The following STYK1 variants were observed in gnomAD, a reference collection of about 807,000 sequenced individuals.
STYK1 encodes the protein STY kinase 1.
A neutral mutation model predicts 48.1 loss-of-function variants in STYK1; 46 were observed. The observed-to-expected ratio is 0.96, with a 90% CI of 0.75 to 1.22. The LOEUF (loss-of-function observed/expected upper bound fraction) is 1.22. Ranked by LOEUF, STYK1 falls within the 50% of genes most tolerant of loss-of-function variation. The pLI, the probability that STYK1 is intolerant of heterozygous loss-of-function variation, is 0.00. For missense variants in STYK1, 527 were observed against 521.1 expected, an observed-to-expected ratio of 1.01 and a Z score of -0.11; for synonymous variants, 188 against 189.0, an observed-to-expected ratio of 0.99 and a Z score of 0.04.
At chr12:10,671,720 C>T (rs945951971) in intron 1 of STYK1, among the ~76,000 whole-genome samples, 1 of 152,196 alleles carries the variant, frequency 6.6e-6, no homozygotes, top group African/African-American at 2.4e-5. Flanking sequence ...GAAATGTACA[C>T]ACTCAGGTTA....
intron 1 of STYK1, among the ~76,000 whole-genome samples, chr12:10,656,632 AC>A (rs1947722240): frequency 6.6e-6 from 1 of 152,158 alleles, no homozygotes; most frequent in Non-Finnish European, 1.5e-5. Context: ...CTCAAAAAAA[AC>A]AAAAAACAAA....
At chr12:10,651,997 A>G (rs1452795968) in intron 1 of STYK1, among the ~76,000 whole-genome samples, 4 of 152,188 alleles carry the variant, frequency 2.6e-5, no homozygotes, top group African/African-American at 7.2e-5. Context: ...CAGTGGTTCT[A>G]CTTGAGGAGC....
At position 10,619,739 on chromosome 12, in the gene STYK1, A is replaced by C; in HGVS notation, c.*405T>G. 1 of 336,966 alleles carries C rather than the reference A, an allele frequency of 3.0e-6. No homozygotes were observed. Among genetic ancestry groups the C allele is most frequent in the Non-Finnish European group, 5.3e-6 (1 of 187,184 alleles). 20.9% of individuals were successfully genotyped at this position (336,966 alleles called of 1,614,324 possible). ...GAACCTTAAATTTTCTTTCCCTTCA[A>C]CTCTTTTATTGGATTTCTATTCCTT... On this transcript the variant is annotated 3_prime_UTR_variant, in exon 11 of 11. Coordinates refer to ENST00000075503, the MANE Select transcript of STYK1 (RefSeq NM_018423.3).
At position 10,621,880 on chromosome 12, in the gene STYK1, T is replaced by G. The variant is rs376420102; in HGVS notation, c.1060A>C (p.Thr354Pro). ...AGGCCTTTAAAAACCACTTACATGG[T>G]ATGTGTGCAGCTACTGGGTCTCTTC... Reference protein sequence around the residue: ...IMKRPSSCTHTMYSIMKSCWR... With the variant: ...IMKRPSSCTHPMYSIMKSCWR... Residue 354 changes from threonine to proline, a missense_variant, in exon 10 of 11, where the codon ACC becomes CCC. Thr to Pro is a conservative substitution (Grantham distance 38). Transcript: ENST00000075503. The G allele has an allele frequency of 1.2e-6, 2 of 1,613,568 alleles. No individual in the cohort carries two copies. Among genetic ancestry groups the G allele is most frequent in the African/African-American group, 1.3e-5 (1 of 74,892 alleles).
Position 10,624,835 on chromosome 12 carries a change from A to G in STYK1, c.742T>C (p.Phe248Leu). ...ALEFLQEKHL[F>L]HGDVAARNIL... ...TTCCTGGCTGCCACATCCCCATGGA[A>G]CAAATGCTTCTCCTGCAGGAATTCC... is the stretch of plus-strand genomic sequence containing the variant. The change falls in exon 8 of 11, where the codon TTC (phenylalanine) becomes CTC (leucine). Residue 248 changes from phenylalanine to leucine, a missense_variant. Transcript: ENST00000075503. 6.2e-7 allele frequency: 1 copy of G among 1,614,180 alleles called. No homozygotes were observed. The highest frequency in any genetic ancestry group is 8.5e-7 in the Non-Finnish European group (1 of 1,180,012).
intron 1 of STYK1, among the ~76,000 whole-genome samples, chr12:10,652,462 A>G (rs1262758292): frequency 6.6e-6 from 1 of 152,268 alleles, no homozygotes; most frequent in Non-Finnish European, 1.5e-5. Context: ...GTTTTAGAAT[A>G]CAAGTATTTC....
At chr12:10,626,745 G>A (rs534931417) in intron 7 of STYK1, among the ~76,000 whole-genome samples, 141 of 152,272 alleles carry the variant, frequency 9.3e-4, no homozygotes, top group African/African-American at 3.3e-3. Flanking sequence ...GGTGGCTCAT[G>A]CCTGTAATCC....
rs1018880825 is a variant in STYK1, at chr12:10,651,167, C to T, written c.-194-13971G>A. On this transcript the variant is annotated intron_variant, in intron 1 of 10. Transcript: ENST00000075503. ...GACCACGCTGGAGCCCAACAGCCTC[C>T]TGCCTTGGTCCTGCACTTTTCCTGC... is the stretch of plus-strand genomic sequence containing the variant. Among the ~76,000 whole-genome samples, 11 of 152,306 alleles carry T rather than the reference C, an allele frequency of 7.2e-5. No homozygotes were observed. In the East Asian group the frequency reaches 2.1e-3, roughly 29 times the overall value.
At chr12:10,671,017 T>TTTC (rs869234076) in intron 1 of STYK1, among the ~76,000 whole-genome samples, 4 of 147,120 alleles carry the variant, frequency 2.7e-5, no homozygotes, top group African/African-American at 1.0e-4. Flanking sequence ...TTTTTTTTTT[T>TTTC]GACAGTCTGG....
At chr12:10,624,925 G>A (rs1374733417) in intron 7 of STYK1, 66 bp from the exon 8 acceptor site, 1 of 1,412,628 alleles carries the variant, frequency 7.1e-7, no homozygotes, top group Non-Finnish European at 1.0e-6. Context: ...GACAAGGAGA[G>A]GCAGTCCTAG....
intron 7 of STYK1, among the ~76,000 whole-genome samples, chr12:10,625,366 C>T (rs576576891): frequency 2.6e-5 from 4 of 152,130 alleles, no homozygotes; most frequent in South Asian, 2.1e-4. Context: ...TACAGGCACC[C>T]GCCACCACGC....
At chr12:10,639,276 C>T (rs1420659408) in intron 1 of STYK1, among the ~76,000 whole-genome samples, 1 of 152,184 alleles carries the variant, frequency 6.6e-6, no homozygotes, top group Non-Finnish European at 1.5e-5. Context: ...ATGAAACAAG[C>T]TTCCGGTTTT....
chr12:10,656,879 G>A (rs1011977064), intron 1 of STYK1, among the ~76,000 whole-genome samples: 2 of 152,108 alleles, frequency 1.3e-5, no homozygotes, highest in African/African-American at 4.8e-5. Context: ...GTTTCATTTT[G>A]TATTGTGTTA....
intron 8 of STYK1, among the ~76,000 whole-genome samples, chr12:10,624,187 A>G (rs758717828): frequency 2.6e-5 from 4 of 151,278 alleles, no homozygotes; most frequent in African/African-American, 4.9e-5. Flanking sequence ...TTGGGAGGCG[A>G]AGGTGAGAGG....
chr12:10,634,518 T>G, intron 3 of STYK1, 49 bp downstream of exon 3: 1 of 1,579,268 alleles, frequency 6.3e-7, no homozygotes, highest in Non-Finnish European at 8.7e-7. Flanking sequence ...GACCTTAGCC[T>G]TCATAATTCT....
intron 7 of STYK1, among the ~76,000 whole-genome samples, chr12:10,626,833 C>T (rs1463273618): frequency 1.3e-5 from 2 of 151,952 alleles, no homozygotes; most frequent in Admixed American, 6.6e-5. Context: ...AGTGAAACCC[C>T]GTCTCTACTA....
At chr12:10,622,494 A>C (rs1865923575) in intron 9 of STYK1, 144 bp downstream of exon 9, 7 of 820,140 alleles carry the variant, frequency 8.5e-6, no homozygotes, top group Admixed American at 5.3e-5. Context: ...TATCACGGGA[A>C]TCAGGCTTAG....
At chr12:10,654,872 G>A (rs1042688497) in intron 1 of STYK1, among the ~76,000 whole-genome samples, 1 of 152,150 alleles carries the variant, frequency 6.6e-6, no homozygotes, top group Non-Finnish European at 1.5e-5. Context: ...GGCATGTACA[G>A]GATCACCAGA....
rs192067545 is a variant in STYK1 at position 10,655,732 on chromosome 12, G to T, written c.-195+18234C>A. Among the ~76,000 whole-genome samples, 143 of 152,194 alleles carry T rather than the reference G, an allele frequency of 9.4e-4. 1 individual carries two copies. Among genetic ancestry groups the T allele is most frequent in the African/African-American group, 3.3e-3 (138 of 41,522 alleles). ...TCATAACCTTAGTGAAAGCTTACTG[G>T]TTTCATCTGGGAGGTTACCTTTGGT... On this transcript the variant is annotated intron_variant, in intron 1 of 10. Transcript: ENST00000075503.
Sources: gnomAD v4.1 joint callset for allele counts (sites outside exome capture counted in the v4.1 genomes callset) on GRCh38, gnomAD v4.1.1 for gene constraint, MANE v1.5 for transcripts, NCBI Gene and HGNC (gene_info 2026-07-23, HGNC 2026-07-21) for gene names.